LRRTM4: variants seen among roughly 807,000 people sequenced by gnomAD.
The protein encoded by LRRTM4 is leucine rich repeat transmembrane neuronal 4.
LRRTM4 carries 25 observed loss-of-function variants against 47.6 expected under a neutral mutation model. The observed-to-expected ratio is 0.53, with a 90% CI of 0.38 to 0.73. The LOEUF (loss-of-function observed/expected upper bound fraction) is 0.73, where lower values mean the gene tolerates loss of function less well. Ranked by LOEUF, LRRTM4 falls within the 30% of genes least tolerant of loss-of-function variation. The pLI, the probability that LRRTM4 is intolerant of heterozygous loss-of-function variation, is 0.00. For missense variants in LRRTM4, 638 were observed against 713.4 expected (o/e 0.89, Z 1.20); for synonymous variants, 311 against 269.5 (o/e 1.15, Z -1.51).
At chr2:76,751,199 T>A (rs75539582) in intron 3 of LRRTM4, among the ~76,000 whole-genome samples, 10,629 of 152,238 alleles carry the variant, frequency 0.07, 750 homozygotes, top group East Asian at 0.31. Flanking sequence ...AAATTCCCAT[T>A]CTGTTTTTAC....
At chr2:77,174,648 T>C (rs1014438824) in intron 3 of LRRTM4, among the ~76,000 whole-genome samples, 8 of 151,268 alleles carry the variant, frequency 5.3e-5, no homozygotes, top group Non-Finnish European at 4.4e-5. Flanking sequence ...TTGTTTTTTT[T>C]GTTTGTTTTT....
intron 3 of LRRTM4, among the ~76,000 whole-genome samples, chr2:77,287,633 C>A (rs1254167217): frequency 6.6e-6 from 1 of 151,954 alleles, no homozygotes; most frequent in Non-Finnish European, 1.5e-5. Flanking sequence ...CTATCCAGTG[C>A]AGGACATGAA....
At chr2:76,959,575 AG>A (rs1675784440) in intron 3 of LRRTM4, among the ~76,000 whole-genome samples, 1 of 151,780 alleles carries the variant, frequency 6.6e-6, no homozygotes, top group African/African-American at 2.4e-5. Flanking sequence ...TCAAAAGTAA[AG>A]GGATAAAGTA....
intron 3 of LRRTM4, among the ~76,000 whole-genome samples, chr2:76,891,035 C>T (rs1356232147): frequency 1.3e-5 from 2 of 151,412 alleles, no homozygotes; most frequent in Non-Finnish European, 3.0e-5. Context: ...CTTGACATTT[C>T]GCTGGAATGA....
At chr2:77,120,736 G>T (rs1671501841) in intron 3 of LRRTM4, among the ~76,000 whole-genome samples, 1 of 151,532 alleles carries the variant, frequency 6.6e-6, no homozygotes, top group African/African-American at 2.4e-5. Flanking sequence ...ATTTATCTTG[G>T]TAGAAAAACA....
intron 3 of LRRTM4, among the ~76,000 whole-genome samples, chr2:77,159,371 G>A (rs189951769): frequency 1.1e-4 from 17 of 152,064 alleles, no homozygotes; most frequent in Admixed American, 7.2e-4. Context: ...TAAGAAAATC[G>A]TTGGTTGGGG....
rs559526368 is a variant in LRRTM4, at chr2:77,053,482, C to T, written c.1552-304566G>A. The stretch of plus-strand genomic sequence containing the variant: ...GGATAATAGAAAGACAATTGTAGGC[C>T]TAGGACTCTCAATTTTAAAAGACTA... On this transcript the variant is annotated intron_variant, in intron 3 of 3. Coordinates refer to ENST00000409884, the MANE Select transcript of LRRTM4 (RefSeq NM_001134745.3). 6.9e-4 allele frequency among the ~76,000 whole-genome samples: 105 copies of T among 152,036 alleles called. No homozygotes were observed. The South Asian group carries it at 0.011, about 16-fold the overall frequency.
chr2:77,156,750 C>A (rs1346057022), intron 3 of LRRTM4, among the ~76,000 whole-genome samples: 1 of 151,074 alleles, frequency 6.6e-6, no homozygotes, highest in Non-Finnish European at 1.5e-5. Context: ...CCCTGTCACC[C>A]AGGCTAGAGT....
At chr2:77,284,199 A>T (rs1354173311) in intron 3 of LRRTM4, among the ~76,000 whole-genome samples, 1 of 152,070 alleles carries the variant, frequency 6.6e-6, no homozygotes, top group African/African-American at 2.4e-5. Context: ...TTTCCTTGGG[A>T]TGTGTTTCTC....
intron 3 of LRRTM4, among the ~76,000 whole-genome samples, chr2:77,340,853 G>A (rs568194870): frequency 6.5e-4 from 99 of 152,002 alleles, no homozygotes; most frequent in African/African-American, 2.3e-3. Flanking sequence ...AAGTAAAGAA[G>A]ATGTTTTAAA....
At chr2:77,123,656 A>G (rs1366986400) in intron 3 of LRRTM4, among the ~76,000 whole-genome samples, 1 of 152,086 alleles carries the variant, frequency 6.6e-6, no homozygotes, top group African/African-American at 2.4e-5. Context: ...TCTTTTAAAA[A>G]TTCTTAATTT....
rs386390525 is a variant in LRRTM4, at chr2:77,083,783, CTTTTTTTTTTTTTTTTTTTTTTTT to C, written c.1552-334891_1552-334868del. ...ACTTCTCAATTTTTAACTGGACACACTTTTTTTTTTTTTTTTTTTTTTTTTTTTTTTTTTTTTTTCAGACGGAGT... is the reference window on the plus strand; with the variant it reads ...ACTTCTCAATTTTTAACTGGACACACTTTTTTTTTTTTTTTCAGACGGAGT... On this transcript the variant is annotated intron_variant, in intron 3 of 3. Transcript: ENST00000409884. 7.8e-4 allele frequency among the ~76,000 whole-genome samples: 41 copies of C among 52,402 alleles called. 2 individuals are homozygous for C. The highest frequency in any genetic ancestry group is 1.8e-3 in the African/African-American group (32 of 17,536). 34.4% of individuals were successfully genotyped at this position (52,402 alleles called of 152,430 possible). A position where few individuals can be genotyped will look rare whatever the true frequency, so the allele number is the denominator to read the frequency against.
chr2:76,890,191 T>C (rs1377238728), intron 3 of LRRTM4, among the ~76,000 whole-genome samples: 1 of 151,972 alleles, frequency 6.6e-6, no homozygotes, highest in Non-Finnish European at 1.5e-5. Flanking sequence ...ATGCAAAGAT[T>C]CATGATCATG....
At chr2:77,406,313 A>C (rs192669392) in intron 3 of LRRTM4, among the ~76,000 whole-genome samples, 1 of 152,238 alleles carries the variant, frequency 6.6e-6, no homozygotes, top group East Asian at 1.9e-4. Context: ...GGACTCTTAC[A>C]TGCATTATCT....
intron 3 of LRRTM4, among the ~76,000 whole-genome samples, chr2:77,203,038 T>A (rs1479074315): frequency 6.6e-6 from 1 of 152,046 alleles, no homozygotes; most frequent in Non-Finnish European, 1.5e-5. Flanking sequence ...ATTATGTGAA[T>A]TTGATAATTT....
intron 3 of LRRTM4, among the ~76,000 whole-genome samples, chr2:77,421,675 C>T (rs10176323): frequency 0.4 from 60,526 of 151,580 alleles, 12,857 homozygotes; most frequent in African/African-American, 0.55. Flanking sequence ...CCACTGCACT[C>T]CAGCCTGGGC....
At chr2:77,099,357 T>C in intron 3 of LRRTM4, among the ~76,000 whole-genome samples, 1 of 151,930 alleles carries the variant, frequency 6.6e-6, no homozygotes, top group East Asian at 1.9e-4. Flanking sequence ...GACCCAAAAG[T>C]TGCAATACAA....
At chr2:77,479,556 G>T (rs558645970) in intron 3 of LRRTM4, among the ~76,000 whole-genome samples, 60 of 152,306 alleles carry the variant, frequency 3.9e-4, no homozygotes, top group African/African-American at 1.3e-3. Flanking sequence ...AAGTGTCTTT[G>T]ATTGAGAAAG....
chr2:77,238,449 A>G (rs73943636), intron 3 of LRRTM4, among the ~76,000 whole-genome samples: 4,735 of 152,146 alleles, frequency 0.031, 269 homozygotes, highest in African/African-American at 0.11. Flanking sequence ...TCAAAGACAC[A>G]GGCATACCGT....
Sources: gnomAD v4.1 joint callset for allele counts (sites outside exome capture counted in the v4.1 genomes callset) on GRCh38, gnomAD v4.1.1 for gene constraint, MANE v1.5 for transcripts, NCBI Gene and HGNC (gene_info 2026-07-23, HGNC 2026-07-21) for gene names.